Variants in SAMD12 observed in about 807,000 individuals in gnomAD.
SAMD12 encodes the protein sterile alpha motif domain containing 12.
SAMD12 carries 9 observed loss-of-function variants against 15.0 expected under a neutral mutation model. That is an observed-to-expected ratio of 0.60 (90% CI 0.36 to 1.05). SAMD12 has a LOEUF of 1.05. Among genes scored for constraint, SAMD12 ranks in the 50% least tolerant of loss-of-function variants. The pLI is 0.01. For missense variants in SAMD12, 230 were observed against 234.2 expected (o/e 0.98, Z 0.12); for synonymous variants, 86 against 90.1 (o/e 0.96, Z 0.25).
the SAMD12 span, among the ~76,000 whole-genome samples, chr8:118,159,782 C>G: frequency 4.1e-5 from 6 of 147,356 alleles, no homozygotes; most frequent in South Asian, 2.1e-4. Context: ...ATGGTACGAT[C>G]TCAGCTCACT....
intron 4 of SAMD12, among the ~76,000 whole-genome samples, chr8:118,305,807 G>T (rs985386506): frequency 9.2e-5 from 14 of 152,084 alleles, no homozygotes; most frequent in Non-Finnish European, 2.1e-4. Context: ...TGTTTGCCTG[G>T]GATGACATTG....
chr8:118,158,725 T>A, the SAMD12 span, among the ~76,000 whole-genome samples: 1 of 152,126 alleles, frequency 6.6e-6, no homozygotes, highest in Non-Finnish European at 1.5e-5. Flanking sequence ...CATGGACCAA[T>A]CAGCATGCAC....
intron 2 of SAMD12, among the ~76,000 whole-genome samples, chr8:118,510,891 G>T (rs996690589): frequency 1.3e-5 from 2 of 152,216 alleles, no homozygotes. Context: ...CAAAGAAATT[G>T]TGAATGTGGT....
At chr8:118,139,879 A>G in the SAMD12 span, among the ~76,000 whole-genome samples, 1 of 152,200 alleles carries the variant, frequency 6.6e-6, no homozygotes, top group African/African-American at 2.4e-5. Flanking sequence ...TCAATCCTCT[A>G]GGGTGATAAG....
At chr8:118,208,186 G>A (rs1819920245) in intron 4 of SAMD12, among the ~76,000 whole-genome samples, 1 of 152,148 alleles carries the variant, frequency 6.6e-6, no homozygotes, top group African/African-American at 2.4e-5. Context: ...GAACTCAGGA[G>A]GCAGAGGTTG....
intron 3 of SAMD12, among the ~76,000 whole-genome samples, chr8:118,422,697 G>C (rs1195540194): frequency 6.6e-6 from 1 of 152,200 alleles, no homozygotes; most frequent in Non-Finnish European, 1.5e-5. Flanking sequence ...CTTTCCTAGA[G>C]AGCCATGAGG....
chr8:118,223,553 T>G (rs1227085895), intron 4 of SAMD12, among the ~76,000 whole-genome samples: 1 of 152,188 alleles, frequency 6.6e-6, no homozygotes, highest in Non-Finnish European at 1.5e-5. Context: ...CCTGCCCTGA[T>G]GGGGAGGTAG....
At chr8:118,359,096 C>A (rs1460754856) in intron 4 of SAMD12, among the ~76,000 whole-genome samples, 2 of 151,886 alleles carry the variant, frequency 1.3e-5, no homozygotes, top group African/African-American at 2.4e-5. Flanking sequence ...ATTCCCTGCC[C>A]CCCCAATTAA....
chr8:118,440,069 A>T, intron 2 of SAMD12, 108 bp from the exon 3 acceptor site: 1 of 1,068,772 alleles, frequency 9.4e-7, no homozygotes, highest in South Asian at 1.5e-5. Flanking sequence ...TTCCCTGAAG[A>T]TAAATATCTA....
chr8:118,611,133 A>G (rs1197867554), intron 1 of SAMD12, among the ~76,000 whole-genome samples: 1 of 152,212 alleles, frequency 6.6e-6, no homozygotes, highest in Non-Finnish European at 1.5e-5. Context: ...TTATCTAATT[A>G]TGAATCAAAT....
intron 4 of SAMD12, among the ~76,000 whole-genome samples, chr8:118,212,853 T>C (rs1586348607): frequency 1.3e-5 from 2 of 152,296 alleles, no homozygotes; most frequent in Non-Finnish European, 2.9e-5. Context: ...ACTTCCTAGA[T>C]TGTAAAAGGT....
chr8:118,599,459 C>A (rs952837647), intron 1 of SAMD12, among the ~76,000 whole-genome samples: 1 of 152,138 alleles, frequency 6.6e-6, no homozygotes, highest in Non-Finnish European at 1.5e-5. Context: ...GGCATGCAGC[C>A]CCAAATATTC....
rs149125548 is a variant in SAMD12, at chr8:118,198,641, C to T, written c.434-909G>A. 1.4e-3 allele frequency among the ~76,000 whole-genome samples: 212 copies of T among 152,080 alleles called. 2 individuals carry two copies. Among genetic ancestry groups the T allele is most frequent in the African/African-American group, 4.5e-3 (187 of 41,492 alleles). ...ACTGGCTTTTCAAAACATGACAGAACGCACTATTTGTAAGCAAGTGTTTGA... is the reference window on the plus strand; with the variant it reads ...ACTGGCTTTTCAAAACATGACAGAATGCACTATTTGTAAGCAAGTGTTTGA... On this transcript the variant is annotated intron_variant, in intron 4 of 4. Transcript: ENST00000409003.
the SAMD12 span, among the ~76,000 whole-genome samples, chr8:118,132,131 TTCTC>T: frequency 6.6e-6 from 1 of 152,206 alleles, no homozygotes; most frequent in Non-Finnish European, 1.5e-5. Flanking sequence ...GCAATTGAAA[TTCTC>T]TCTCTACAAT....
chr8:118,534,254 A>T (rs1002911899), intron 2 of SAMD12, among the ~76,000 whole-genome samples: 104 of 152,232 alleles, frequency 6.8e-4, no homozygotes, highest in African/African-American at 2.4e-3. Flanking sequence ...TTTCTTTAAG[A>T]ATGTTGAATA....
intron 3 of SAMD12, among the ~76,000 whole-genome samples, chr8:118,391,856 T>G (rs75631399): frequency 0.015 from 2,339 of 152,050 alleles, 53 homozygotes; most frequent in African/African-American, 0.051. Flanking sequence ...CCAGCAGGTA[T>G]TAAACAGCTA....
intron 2 of SAMD12, among the ~76,000 whole-genome samples, chr8:118,455,141 A>ATT (rs1823207159): frequency 6.6e-6 from 1 of 152,110 alleles, no homozygotes; most frequent in Admixed American, 6.6e-5. Context: ...CCACTGAGAC[A>ATT]CGCAGGTTGC....
chr8:118,572,143 A>G (rs1827028861), intron 2 of SAMD12, among the ~76,000 whole-genome samples: 1 of 152,216 alleles, frequency 6.6e-6, no homozygotes, highest in Admixed American at 6.5e-5. Flanking sequence ...TTGGAACTTT[A>G]AGATTTGACT....
At chr8:118,289,513 A>G (rs1488586688) in intron 4 of SAMD12, among the ~76,000 whole-genome samples, 1 of 152,152 alleles carries the variant, frequency 6.6e-6, no homozygotes, top group Non-Finnish European at 1.5e-5. Context: ...ACATTCTCCA[A>G]AGGGCTTTTA....
Sources: gnomAD v4.1 joint callset for allele counts (sites outside exome capture counted in the v4.1 genomes callset) on GRCh38, gnomAD v4.1.1 for gene constraint, MANE v1.5 for transcripts, NCBI Gene and HGNC (gene_info 2026-07-23, HGNC 2026-07-21) for gene names.